Variants in HPSE2 observed in about 807,000 individuals in gnomAD.
HPSE2 encodes heparanase 2 (inactive).
In HPSE2, 38 loss-of-function variants were observed where a neutral mutation model predicts 60.5. That is an observed-to-expected ratio of 0.63 (90% CI 0.48 to 0.82). HPSE2 has a LOEUF of 0.82. HPSE2 is among the 40% of genes least tolerant of loss of function. The pLI is 0.00. For synonymous variants in HPSE2, 295 were observed against 293.2 expected (o/e 1.01, Z -0.06); for missense variants, 713 against 740.4 (o/e 0.96, Z 0.43).
Position 98,854,777 on chromosome 10 carries a change from A to G in HPSE2, c.611-110721T>C, listed in dbSNP as rs555198219. ...TACTAGCTGATGGGCAAGAAAAACC[A>G]AGTCTCTGTACTTGTAGATTTAGTT... On this transcript the variant is annotated intron_variant, in intron 3 of 11. Transcript: ENST00000370552. Among the ~76,000 whole-genome samples the G allele has an allele frequency of 1.8e-4, 28 of 152,334 alleles. 1 individual carries two copies. The highest frequency in any genetic ancestry group is 3.4e-3 in the Middle Eastern group (1 of 294).
intron 3 of HPSE2, among the ~76,000 whole-genome samples, chr10:98,819,119 G>T (rs961549747): frequency 6.6e-6 from 1 of 152,122 alleles, no homozygotes; most frequent in Admixed American, 6.5e-5. Flanking sequence ...CAAGATAAAT[G>T]ACCCCCTTTA....
At chr10:99,065,164 A>G (rs1264750231) in intron 3 of HPSE2, among the ~76,000 whole-genome samples, 2 of 152,186 alleles carry the variant, frequency 1.3e-5, no homozygotes, top group African/African-American at 4.8e-5. Flanking sequence ...ATTTTGTGAT[A>G]TTCTTTCCAT....
At chr10:99,288,720 A>G in the HPSE2 span, among the ~76,000 whole-genome samples, 1 of 150,030 alleles carries the variant, frequency 6.7e-6, no homozygotes, top group East Asian at 2.0e-4. Context: ...AAAAGACATG[A>G]AAGAGCTGCA....
chr10:98,574,136 T>C (rs1175523364), intron 9 of HPSE2, among the ~76,000 whole-genome samples: 9 of 149,630 alleles, frequency 6.0e-5, no homozygotes, highest in Non-Finnish European at 1.0e-4. Context: ...ATAAGTGGAA[T>C]CATAACATAT....
At chr10:99,056,449 G>A (rs1184405936) in intron 3 of HPSE2, among the ~76,000 whole-genome samples, 1 of 152,110 alleles carries the variant, frequency 6.6e-6, no homozygotes, top group Non-Finnish European at 1.5e-5. Context: ...CTCATTTTAT[G>A]AGACTGCTTA....
intron 3 of HPSE2, among the ~76,000 whole-genome samples, chr10:99,062,158 C>T (rs1039529779): frequency 2.6e-5 from 4 of 152,108 alleles, no homozygotes; most frequent in East Asian, 1.9e-4. Context: ...TATTTTACAA[C>T]GAGATTAAAC....
chr10:98,896,920 A>G (rs1027660820), intron 3 of HPSE2, among the ~76,000 whole-genome samples: 1 of 152,230 alleles, frequency 6.6e-6, no homozygotes, highest in Non-Finnish European at 1.5e-5. Context: ...TAATCTGAAT[A>G]GGCCAATATC....
chr10:98,646,105 A>G (rs766561797), intron 6 of HPSE2, among the ~76,000 whole-genome samples: 2 of 152,208 alleles, frequency 1.3e-5, no homozygotes, highest in Non-Finnish European at 1.5e-5. Flanking sequence ...TGAAGCTTCT[A>G]AGAAAACATT....
At chr10:99,125,454 G>C (rs926697401) in intron 3 of HPSE2, among the ~76,000 whole-genome samples, 3 of 152,230 alleles carry the variant, frequency 2.0e-5, no homozygotes, top group African/African-American at 7.2e-5. Context: ...GAAGACGGCA[G>C]ATTGGATACT....
At chr10:99,189,997 T>C (rs1423889668) in intron 2 of HPSE2, among the ~76,000 whole-genome samples, 1 of 152,178 alleles carries the variant, frequency 6.6e-6, no homozygotes, top group Non-Finnish European at 1.5e-5. Context: ...GATACCTCTG[T>C]TAATGAATCT....
At chr10:99,211,979 AAAG>A (rs1848966813) in intron 2 of HPSE2, among the ~76,000 whole-genome samples, 1 of 152,202 alleles carries the variant, frequency 6.6e-6, no homozygotes, top group Non-Finnish European at 1.5e-5. Flanking sequence ...CAAAATATAT[AAAG>A]AACACAACTC....
chr10:98,582,041 G>T (rs1944813585), intron 9 of HPSE2, among the ~76,000 whole-genome samples: 1 of 152,114 alleles, frequency 6.6e-6, no homozygotes, highest in Non-Finnish European at 1.5e-5. Flanking sequence ...CTCCAGCCAG[G>T]ACTTCACATC....
intron 9 of HPSE2, among the ~76,000 whole-genome samples, chr10:98,501,174 A>G (rs1942018098): frequency 6.6e-6 from 1 of 151,932 alleles, no homozygotes; most frequent in African/African-American, 2.4e-5. Flanking sequence ...GAAAGAAGGA[A>G]CCCTCCCTAA....
chr10:98,843,292 A>G (rs191845855), intron 3 of HPSE2, among the ~76,000 whole-genome samples: 5 of 152,240 alleles, frequency 3.3e-5, no homozygotes, highest in Admixed American at 3.3e-4. Flanking sequence ...GAAAACATGC[A>G]GTATTTGGTT....
chr10:98,940,821 G>A (rs1762658453), intron 3 of HPSE2, among the ~76,000 whole-genome samples: 1 of 140,678 alleles, frequency 7.1e-6, no homozygotes, highest in Admixed American at 7.1e-5. Context: ...GAACATTGAT[G>A]CAAAAATCCT....
chr10:98,664,137 C>T (rs1306062886), intron 6 of HPSE2, among the ~76,000 whole-genome samples: 3 of 152,104 alleles, frequency 2.0e-5, no homozygotes, highest in Middle Eastern at 3.2e-3. Context: ...GACCAGATGA[C>T]TCTACCCATC....
chr10:99,019,846 A>C (rs1957223235), intron 3 of HPSE2, among the ~76,000 whole-genome samples: 1 of 151,648 alleles, frequency 6.6e-6, no homozygotes, highest in Admixed American at 6.6e-5. Flanking sequence ...CTAGTAGCTG[A>C]GATTACGGGC....
the HPSE2 span, among the ~76,000 whole-genome samples, chr10:99,313,433 G>C: frequency 6.6e-6 from 1 of 152,158 alleles, no homozygotes; most frequent in Non-Finnish European, 1.5e-5. Context: ...AATGGATAAA[G>C]AGTTGCTTCT....
the HPSE2 span, among the ~76,000 whole-genome samples, chr10:99,243,980 C>A: frequency 6.6e-6 from 1 of 152,034 alleles, no homozygotes; most frequent in Non-Finnish European, 1.5e-5. Context: ...GATTAATGGA[C>A]CTGTAATAAA....
Sources: allele counts gnomAD v4.1 joint callset (sites outside exome capture counted in the v4.1 genomes callset), GRCh38; gene constraint gnomAD v4.1.1; transcripts MANE v1.5; gene names NCBI Gene and HGNC (gene_info 2026-07-23, HGNC 2026-07-21).